The following ANXA4 variants were observed in gnomAD, a reference collection of about 807,000 sequenced individuals.
ANXA4 encodes the protein 35-beta calcimedin.
ANXA4 carries 39 observed loss-of-function variants against 49.8 expected under a neutral mutation model. The observed-to-expected ratio is 0.78, with a 90% CI of 0.61 to 1.02. ANXA4 has a LOEUF of 1.02. Among genes scored for constraint, ANXA4 ranks in the 50% least tolerant of loss-of-function variants. The probability of loss-of-function intolerance (pLI) is 0.00; values close to 1 mark genes in which losing one functional copy is unlikely to be tolerated. For missense variants in ANXA4, 360 were observed against 410.1 expected, an observed-to-expected ratio of 0.88 and a Z score of 1.05; for synonymous variants, 134 against 152.5, an observed-to-expected ratio of 0.88 and a Z score of 0.89.
chr2:69,777,770 T>C (rs972343627), intron 1 of ANXA4, among the ~76,000 whole-genome samples: 10 of 152,188 alleles, frequency 6.6e-5, no homozygotes, highest in African/African-American at 2.4e-4. Flanking sequence ...CTTCCCTTCA[T>C]TCAGGTCTTA....
intron 1 of ANXA4, among the ~76,000 whole-genome samples, chr2:69,743,404 G>T (rs1174379926): frequency 6.6e-6 from 1 of 152,168 alleles, no homozygotes; most frequent in Non-Finnish European, 1.5e-5. Flanking sequence ...TTTTAGTAGA[G>T]ATGGGGTTTT....
chr2:69,664,469 T>C (rs1184826396), intron 2 of ANXA4, among the ~76,000 whole-genome samples: 1 of 152,222 alleles, frequency 6.6e-6, no homozygotes, highest in Non-Finnish European at 1.5e-5. Flanking sequence ...ATTTACTTAC[T>C]ATGTGCACTT....
At chr2:69,821,332 T>C (rs774756733) in intron 12 of ANXA4, among the ~76,000 whole-genome samples, 6 of 152,196 alleles carry the variant, frequency 3.9e-5, no homozygotes, top group Non-Finnish European at 7.3e-5. Context: ...AAGAGTCTCA[T>C]GGACATGAAA....
intron 1 of ANXA4, among the ~76,000 whole-genome samples, chr2:69,649,587 T>G (rs1676147597): frequency 6.7e-6 from 1 of 149,752 alleles, no homozygotes; most frequent in Non-Finnish European, 1.5e-5. Context: ...TCTTGTGTGC[T>G]TCTTTGATTT....
chr2:69,780,691 A>G (rs1559184232), intron 1 of ANXA4, among the ~76,000 whole-genome samples: 1 of 152,170 alleles, frequency 6.6e-6, no homozygotes, highest in Non-Finnish European at 1.5e-5. Flanking sequence ...GCAGAGGGCT[A>G]TGATTGCACC....
intron 1 of ANXA4, among the ~76,000 whole-genome samples, chr2:69,778,775 C>CAAAAAAAA (rs58688910): frequency 5.5e-5 from 2 of 36,548 alleles, no homozygotes; most frequent in African/African-American, 9.5e-5. Context: ...AACTCTGTCT[C>CAAAAAAAA]AAAAAAAAAA....
chr2:69,780,317 C>G (rs534162360), intron 1 of ANXA4, among the ~76,000 whole-genome samples: 1 of 152,308 alleles, frequency 6.6e-6, no homozygotes, highest in Non-Finnish European at 1.5e-5. Context: ...GCCTCAGCCT[C>G]CCAAGTATCT....
chr2:69,705,398 CTACAATGA>C (rs1678454697), intron 2 of ANXA4, among the ~76,000 whole-genome samples: 1 of 152,134 alleles, frequency 6.6e-6, no homozygotes, highest in Non-Finnish European at 1.5e-5. Flanking sequence ...TCTACTTTTT[CTACAATGA>C]ATATGTGCTG....
chr2:69,802,755 G>A (rs1275692890), intron 3 of ANXA4, among the ~76,000 whole-genome samples: 6 of 151,790 alleles, frequency 4.0e-5, no homozygotes, highest in Non-Finnish European at 8.8e-5. Flanking sequence ...TTTCAGCTTG[G>A]CTTGACTGGG....
At chr2:69,685,837 G>A (rs1427241928) in intron 2 of ANXA4, among the ~76,000 whole-genome samples, 1 of 152,170 alleles carries the variant, frequency 6.6e-6, no homozygotes, top group African/African-American at 2.4e-5. Flanking sequence ...GCCCTGGGTT[G>A]GGGGCGGAGA....
At chr2:69,670,299 G>T (rs1440933476) in intron 2 of ANXA4, among the ~76,000 whole-genome samples, 1 of 151,986 alleles carries the variant, frequency 6.6e-6, no homozygotes, top group Non-Finnish European at 1.5e-5. Flanking sequence ...AATTAGCTGG[G>T]TGTAGTGGCA....
chr2:69,719,472 C>T (rs1669761072), intron 2 of ANXA4, among the ~76,000 whole-genome samples: 1 of 151,576 alleles, frequency 6.6e-6, no homozygotes, highest in East Asian at 1.9e-4. Context: ...CGGAGTCTTG[C>T]TCTGTTGCCC....
chr2:69,724,076 C>T (rs1669893657), intron 3 of ANXA4, among the ~76,000 whole-genome samples: 2 of 152,094 alleles, frequency 1.3e-5, no homozygotes, highest in Admixed American at 1.3e-4. Flanking sequence ...GCCAAGATCG[C>T]GCCATTGCAC....
chr2:69,690,123 T>G (rs910232077), intron 2 of ANXA4, among the ~76,000 whole-genome samples: 3 of 152,232 alleles, frequency 2.0e-5, no homozygotes, highest in Non-Finnish European at 4.4e-5. Context: ...TATTTGGATG[T>G]TAAACACATT....
At chr2:69,649,339 ATT>A (rs1676134715) in intron 1 of ANXA4, among the ~76,000 whole-genome samples, 2 of 152,226 alleles carry the variant, frequency 1.3e-5, no homozygotes, top group Middle Eastern at 3.4e-3. Flanking sequence ...GATAATTGCT[ATT>A]GACATTTTGA....
intron 2 of ANXA4, chr2:69,713,974 C>T (rs887002868): frequency 2.0e-5 from 3 of 152,290 alleles, no homozygotes; most frequent in Non-Finnish European, 4.4e-5. Flanking sequence ...GGAAGGAGCT[C>T]TACTCTCCCT....
At chr2:69,644,164 T>TTTCCC (rs1225865401), upstream of ANXA4, among the ~76,000 whole-genome samples, 1 of 16,458 alleles carries the variant, frequency 6.1e-5, no homozygotes, top group African/African-American at 4.0e-4. Flanking sequence ...AACAACTAAG[T>TTTCCC]TCCCCCCCCC....
At chr2:69,749,525 A>C (rs1670752289) in intron 1 of ANXA4, among the ~76,000 whole-genome samples, 1 of 152,198 alleles carries the variant, frequency 6.6e-6, no homozygotes, top group Non-Finnish European at 1.5e-5. Context: ...GCAGAGTAAT[A>C]CTATGTAGCT....
intron 2 of ANXA4, among the ~76,000 whole-genome samples, chr2:69,786,447 A>G (rs1322419472): frequency 2.0e-5 from 3 of 152,112 alleles, no homozygotes; most frequent in Admixed American, 6.5e-5. Flanking sequence ...TTTTAAATAG[A>G]TAAGTCAGAT....
Sources: gnomAD v4.1 joint callset for allele counts (sites outside exome capture counted in the v4.1 genomes callset) on GRCh38, gnomAD v4.1.1 for gene constraint, MANE v1.5 for transcripts, NCBI Gene and HGNC (gene_info 2026-07-23, HGNC 2026-07-21) for gene names.